The following CDH12 variants were observed in gnomAD, a reference collection of about 807,000 sequenced individuals.
CDH12 encodes cadherin-12.
CDH12 carries 41 observed loss-of-function variants against 74.1 expected under a neutral mutation model. The ratio of observed to expected loss-of-function variants is 0.55; its 90% CI spans 0.43 to 0.72. CDH12 has a LOEUF of 0.72. Among genes scored for constraint, CDH12 ranks in the 30% least tolerant of loss-of-function variants. The pLI is 0.00. For missense variants in CDH12, 945 were observed against 977.2 expected, an observed-to-expected ratio of 0.97 and a Z score of 0.44; for synonymous variants, 399 against 355.0, an observed-to-expected ratio of 1.12 and a Z score of -1.39.
chr5:22,683,790 A>C (rs1741620812), intron 1 of CDH12, among the ~76,000 whole-genome samples: 1 of 152,222 alleles, frequency 6.6e-6, no homozygotes, highest in South Asian at 2.1e-4. Flanking sequence ...CTACAAGCAC[A>C]CAGAGTTCCA....
chr5:22,616,536 C>A (rs1026522119), intron 1 of CDH12, among the ~76,000 whole-genome samples: 1 of 152,008 alleles, frequency 6.6e-6, no homozygotes, highest in Non-Finnish European at 1.5e-5. Flanking sequence ...ACATTTATTT[C>A]TCTGCTTTTC....
intron 2 of CDH12, among the ~76,000 whole-genome samples, chr5:22,491,633 A>C (rs1746875797): frequency 6.6e-6 from 1 of 151,028 alleles, no homozygotes; most frequent in Non-Finnish European, 1.5e-5. Context: ...AAAAAAAAAA[A>C]CAAAAACAAC....
intron 1 of CDH12, among the ~76,000 whole-genome samples, chr5:22,539,902 A>T (rs773369950): frequency 6.6e-6 from 1 of 152,190 alleles, no homozygotes; most frequent in East Asian, 1.9e-4. Flanking sequence ...CAACTTGATC[A>T]TATTGCTTGC....
intron 1 of CDH12, among the ~76,000 whole-genome samples, chr5:22,657,729 T>A (rs1740126078): frequency 6.6e-6 from 1 of 152,176 alleles, no homozygotes; most frequent in Non-Finnish European, 1.5e-5. Flanking sequence ...TAAACTCACG[T>A]GCTTTCAAAA....
intron 2 of CDH12, among the ~76,000 whole-genome samples, chr5:22,461,913 A>C (rs1745543048): frequency 6.6e-6 from 1 of 152,034 alleles, no homozygotes; most frequent in Admixed American, 6.5e-5. Context: ...ATATTGCTGA[A>C]ATTTTTTAAT....
chr5:22,583,927 C>T (rs973833390), intron 1 of CDH12, among the ~76,000 whole-genome samples: 1 of 151,944 alleles, frequency 6.6e-6, no homozygotes, highest in African/African-American at 2.4e-5. Context: ...AAATGTATCT[C>T]TTCCCAATCA....
At chr5:22,057,385 C>T (rs1366607208) in intron 5 of CDH12, among the ~76,000 whole-genome samples, 1 of 151,966 alleles carries the variant, frequency 6.6e-6, no homozygotes, top group Admixed American at 6.6e-5. Flanking sequence ...AAATAAAGGA[C>T]AGCATGAGCA....
chr5:22,561,841 A>G (rs1739063840), intron 1 of CDH12, among the ~76,000 whole-genome samples: 1 of 152,166 alleles, frequency 6.6e-6, no homozygotes, highest in South Asian at 2.1e-4. Context: ...GACTTGATTC[A>G]CCCTTTAATC....
chr5:22,122,262 G>A (rs1477144918), intron 4 of CDH12, among the ~76,000 whole-genome samples: 2 of 152,098 alleles, frequency 1.3e-5, no homozygotes, highest in Admixed American at 6.6e-5. Flanking sequence ...AATTAGGTGG[G>A]CATGGCGGCA....
intron 1 of CDH12, among the ~76,000 whole-genome samples, chr5:22,791,191 TCAAAA>T (rs1747888389): frequency 6.6e-6 from 1 of 152,198 alleles, no homozygotes; most frequent in Admixed American, 6.5e-5. Flanking sequence ...GTTTGTTTTC[TCAAAA>T]CTCTAAACTC....
At chr5:22,611,470 C>T (rs980160949) in intron 1 of CDH12, among the ~76,000 whole-genome samples, 1 of 152,086 alleles carries the variant, frequency 6.6e-6, no homozygotes, top group Non-Finnish European at 1.5e-5. Context: ...ACAAATGGTT[C>T]TCCCAGTCTC....
chr5:22,252,739 C>T (rs558521568), intron 3 of CDH12, among the ~76,000 whole-genome samples: 1 of 151,974 alleles, frequency 6.6e-6, no homozygotes, highest in South Asian at 2.1e-4. Context: ...GCTATTCTTT[C>T]TCAGTGGAAT....
At chr5:21,890,217 T>TC (rs2150043270) in intron 6 of CDH12, among the ~76,000 whole-genome samples, 1 of 152,230 alleles carries the variant, frequency 6.6e-6, no homozygotes, top group East Asian at 1.9e-4. Flanking sequence ...AAGATTTATT[T>TC]CCCTCATTCG....
chr5:22,708,267 C>T (rs982113445), intron 1 of CDH12, among the ~76,000 whole-genome samples: 3 of 152,256 alleles, frequency 2.0e-5, no homozygotes, highest in Non-Finnish European at 4.4e-5. Context: ...ATACAAAGTT[C>T]GCTCCAACAC....
intron 2 of CDH12, among the ~76,000 whole-genome samples, chr5:22,441,849 G>A (rs766210085): frequency 3.9e-5 from 6 of 151,910 alleles, no homozygotes; most frequent in South Asian, 2.1e-4. Context: ...GATTAAAGGC[G>A]TCTGCCACCA....
intron 1 of CDH12, among the ~76,000 whole-genome samples, chr5:22,826,537 A>G (rs1456783278): frequency 6.6e-6 from 1 of 152,220 alleles, no homozygotes; most frequent in Non-Finnish European, 1.5e-5. Flanking sequence ...AGAAGAAGAC[A>G]GGAAAATGTG....
chr5:21,920,531 T>C (rs1392854447), intron 6 of CDH12, among the ~76,000 whole-genome samples: 1 of 151,774 alleles, frequency 6.6e-6, no homozygotes, highest in East Asian at 1.9e-4. Flanking sequence ...CCTGTCAGGG[T>C]GTGGGGGCCA....
At chr5:21,810,629 C>T (rs974939601) in intron 9 of CDH12, among the ~76,000 whole-genome samples, 1 of 151,988 alleles carries the variant, frequency 6.6e-6, no homozygotes, top group Non-Finnish European at 1.5e-5. Context: ...GCAGTGGTTA[C>T]GTTGATTTAG....
At chr5:22,622,590 T>C (rs1360075766) in intron 1 of CDH12, among the ~76,000 whole-genome samples, 1 of 152,352 alleles carries the variant, frequency 6.6e-6, no homozygotes, top group East Asian at 1.9e-4. Flanking sequence ...GATGAATTCC[T>C]GGACACATAC....
Sources: gnomAD v4.1 joint callset for allele counts (sites outside exome capture counted in the v4.1 genomes callset) on GRCh38, gnomAD v4.1.1 for gene constraint, MANE v1.5 for transcripts, NCBI Gene and HGNC (gene_info 2026-07-23, HGNC 2026-07-21) for gene names.